PKNOX2: variants seen among roughly 807,000 people sequenced by gnomAD.
PKNOX2 encodes homeobox protein PKNOX2.
A neutral mutation model predicts 53.1 loss-of-function variants in PKNOX2; 14 were observed. The observed-to-expected ratio is 0.26, with a 90% CI of 0.17 to 0.41. The LOEUF is 0.41. Among genes scored for constraint, PKNOX2 ranks in the 10% least tolerant of loss-of-function variants. PKNOX2 has a pLI of 1.00. For synonymous variants in PKNOX2, 257 were observed against 242.8 expected, an observed-to-expected ratio of 1.06 and a Z score of -0.54; for missense variants, 496 against 602.8, an observed-to-expected ratio of 0.82 and a Z score of 1.85.
chr11:125,224,073 C>T (rs1941460711), intron 1 of PKNOX2, among the ~76,000 whole-genome samples: 2 of 152,248 alleles, frequency 1.3e-5, no homozygotes, highest in Non-Finnish European at 2.9e-5. Flanking sequence ...CCCCTGGACG[C>T]TGCTAGCTCT....
chr11:125,268,994 T>C (rs1945575741), intron 2 of PKNOX2, among the ~76,000 whole-genome samples: 2 of 152,112 alleles, frequency 1.3e-5, no homozygotes, highest in Admixed American at 1.3e-4. Flanking sequence ...GGGCTGCTGT[T>C]CTCATGCCCC....
chr11:125,274,825 G>A (rs1000852344), intron 2 of PKNOX2, among the ~76,000 whole-genome samples: 6 of 152,150 alleles, frequency 3.9e-5, no homozygotes, highest in Admixed American at 1.3e-4. Flanking sequence ...GATCAGGGGC[G>A]GTAGGATAAC....
chr11:125,241,604 C>A (rs1943150439), intron 2 of PKNOX2, among the ~76,000 whole-genome samples: 1 of 152,238 alleles, frequency 6.6e-6, no homozygotes. Flanking sequence ...CGCCTGTAAT[C>A]CCAGCACTTT....
At chr11:125,343,875 CAAG>C (rs1408252467) in intron 3 of PKNOX2, among the ~76,000 whole-genome samples, 1 of 151,986 alleles carries the variant, frequency 6.6e-6, no homozygotes, top group African/African-American at 2.4e-5. Flanking sequence ...ACTGGGGACT[CAAG>C]GAGGAGAGAC....
At chr11:125,375,758 T>A (rs1055786443) in intron 5 of PKNOX2, among the ~76,000 whole-genome samples, 1 of 152,248 alleles carries the variant, frequency 6.6e-6, no homozygotes, top group Non-Finnish European at 1.5e-5. Context: ...CTAGGGGGAC[T>A]GGCTGAATTT....
chr11:125,430,034 C>G lies in PKNOX2; in HGVS notation c.1085C>G (p.Ala362Gly). 2 of 1,614,200 alleles carry G rather than the reference C, an allele frequency of 1.2e-6. No individual in the cohort carries two copies. The highest frequency in any genetic ancestry group is 1.7e-6 in the Non-Finnish European group (2 of 1,180,038). ...AGCAACCCAGATCCTGCCCCCAAAGCCAAGAAGATCAAGTCTCAGCACCGG... is the reference window on the plus strand; with the variant it reads ...AGCAACCCAGATCCTGCCCCCAAAGGCAAGAAGATCAAGTCTCAGCACCGG... ...DASNPDPAPK[A>G]KKIKSQHRPT... is the part of the protein sequence containing the mutation. Residue 362 changes from alanine (A) to glycine (G), a missense_variant, in exon 12 of 13, where the codon GCC becomes GGC. Transcript: ENST00000298282.
rs377569300 is a variant in PKNOX2 at position 125,356,531 on chromosome 11, C to T, written c.87+5139C>T. Among the ~76,000 whole-genome samples, 297 of 152,356 alleles carry T rather than the reference C, an allele frequency of 1.9e-3. 2 individuals are homozygous for T. The highest frequency in any genetic ancestry group is 6.6e-3 in the African/African-American group (275 of 41,582). On this transcript the variant is annotated intron_variant, in intron 4 of 12. Coordinates refer to ENST00000298282, the MANE Select transcript of PKNOX2 (RefSeq NM_001382323.2). ...TGTGTCCCTCCCATTCCCCTCACCC[C>T]GATCCTCCAGCATCCCTCAGAGTGG...
intron 10 of PKNOX2, among the ~76,000 whole-genome samples, chr11:125,415,743 T>G (rs984130694): frequency 1.3e-5 from 2 of 152,110 alleles, no homozygotes; most frequent in African/African-American, 4.8e-5. Flanking sequence ...GCGGAAAGGG[T>G]ATGAAGTAAG....
At chr11:125,164,826 GGCGGCGCGGCGGCGGCT>G (rs1954722815) in intron 1 of PKNOX2, 50 bp downstream of exon 1, 1 of 178,318 alleles carries the variant, frequency 5.6e-6, no homozygotes, top group African/African-American at 2.4e-5. Context: ...AGGCGGCGGC[GGCGGCGCGGCGGCGGCT>G]GCTGCTGCGG....
chr11:125,222,694 G>GT (rs1406671219), intron 1 of PKNOX2, among the ~76,000 whole-genome samples: 4 of 147,136 alleles, frequency 2.7e-5, no homozygotes, highest in African/African-American at 1.0e-4. Context: ...GTATGTGTGT[G>GT]TATGTGTGTG....
At chr11:125,343,507 G>A (rs1159535140) in intron 3 of PKNOX2, among the ~76,000 whole-genome samples, 2 of 152,146 alleles carry the variant, frequency 1.3e-5, no homozygotes, top group African/African-American at 4.8e-5. Flanking sequence ...AAGCTGGAGG[G>A]GAGAGTAATG....
chr11:125,253,508 G>T (rs1170382011), intron 2 of PKNOX2, among the ~76,000 whole-genome samples: 1 of 152,106 alleles, frequency 6.6e-6, no homozygotes, highest in Non-Finnish European at 1.5e-5. Flanking sequence ...GTCCTTCAGG[G>T]TCCCGTGCAA....
intron 2 of PKNOX2, among the ~76,000 whole-genome samples, chr11:125,329,870 T>C: frequency 6.6e-6 from 1 of 152,144 alleles, no homozygotes; most frequent in Non-Finnish European, 1.5e-5. Context: ...AGCTGCTTTT[T>C]CGACAATGAG....
At chr11:125,324,807 A>T (rs1008505595) in intron 2 of PKNOX2, among the ~76,000 whole-genome samples, 10 of 152,164 alleles carry the variant, frequency 6.6e-5, no homozygotes, top group African/African-American at 2.4e-4. Flanking sequence ...GGAGAGAGCC[A>T]TTGGAGCTGG....
intron 1 of PKNOX2, among the ~76,000 whole-genome samples, chr11:125,217,032 C>T (rs1940598641): frequency 6.6e-6 from 1 of 151,754 alleles, no homozygotes; most frequent in Middle Eastern, 3.2e-3. Context: ...CACACACACA[C>T]ACACAGTCTC....
At chr11:125,293,392 T>C (rs1474138892) in intron 2 of PKNOX2, among the ~76,000 whole-genome samples, 2 of 152,198 alleles carry the variant, frequency 1.3e-5, no homozygotes, top group African/African-American at 4.8e-5. Context: ...TTTTAGTGTT[T>C]TTCAGAAGGA....
At chr11:125,294,866 T>G (rs899094017) in intron 2 of PKNOX2, among the ~76,000 whole-genome samples, 13 of 152,162 alleles carry the variant, frequency 8.5e-5, no homozygotes, top group Non-Finnish European at 1.9e-4. Context: ...CTGCCTCGCA[T>G]GGAGTATTGG....
At chr11:125,314,405 G>A (rs1161124016) in intron 2 of PKNOX2, among the ~76,000 whole-genome samples, 2 of 152,292 alleles carry the variant, frequency 1.3e-5, no homozygotes, top group Non-Finnish European at 1.5e-5. Flanking sequence ...TTGCTCAGAA[G>A]TCCATCTGCA....
At chr11:125,349,005 T>C (rs896095715) in intron 3 of PKNOX2, among the ~76,000 whole-genome samples, 2 of 152,136 alleles carry the variant, frequency 1.3e-5, no homozygotes, top group Non-Finnish European at 2.9e-5. Context: ...CGAGCATCTG[T>C]GATCGATGCT....
Sources: allele counts gnomAD v4.1 joint callset (sites outside exome capture counted in the v4.1 genomes callset), GRCh38; gene constraint gnomAD v4.1.1; transcripts MANE v1.5; gene names NCBI Gene and HGNC (gene_info 2026-07-23, HGNC 2026-07-21).